The following PTPN23 variants were observed in gnomAD, a reference collection of about 807,000 sequenced individuals.
PTPN23 encodes tyrosine-protein phosphatase non-receptor type 23.
PTPN23 carries 72 observed loss-of-function variants against 156.3 expected under a neutral mutation model. That is an observed-to-expected ratio of 0.46 (90% CI 0.38 to 0.56). The LOEUF is 0.56. Ranked by LOEUF, PTPN23 falls within the 20% of genes least tolerant of loss-of-function variation. The pLI, the probability that PTPN23 is intolerant of heterozygous loss-of-function variation, is 0.00. For synonymous variants in PTPN23, 957 were observed against 899.6 expected (o/e 1.06, Z -1.14); for missense variants, 1,974 against 2,171.5 (o/e 0.91, Z 1.81).
At chr3:47,389,492 C>T (rs1025848325) in intron 1 of PTPN23, among the ~76,000 whole-genome samples, 13 of 151,992 alleles carry the variant, frequency 8.6e-5, no homozygotes, top group East Asian at 3.9e-4. Flanking sequence ...TGGTAGCTCA[C>T]GCCTGTAATC....
rs778678389 is a variant in PTPN23, at chr3:47,410,324, C to T, written c.2526C>T (p.Gly842=). Residue 842 remains glycine, a synonymous_variant, in exon 20 of 25, where the codon GGC becomes GGT. Coordinates refer to ENST00000265562, the MANE Select transcript of PTPN23 (RefSeq NM_015466.4). ...GLVPRSSPQH[G]VVSSPYVGVG... Reference sequence around the variant, plus strand: ...TGCCCCGATCCTCCCCACAGCATGGCGTGGTGAGCAGTCCCTATGTGGGGG... The same window carrying T: ...TGCCCCGATCCTCCCCACAGCATGGTGTGGTGAGCAGTCCCTATGTGGGGG... 3.1e-5 allele frequency: 49 copies of T among 1,605,316 alleles called. No homozygotes were observed. Among genetic ancestry groups the T allele is most frequent in the Non-Finnish European group, 3.8e-5 (45 of 1,175,772 alleles).
chr3:47,411,844 G>A lies in PTPN23; in HGVS notation c.3950G>A (p.Ser1317Asn). ...CAGCCCATGGTGCACGGTGCCCTGA[G>A]CCTGGCATTGAGCAGCGTCCGCAGC... The part of the protein sequence containing the change: ...RGQPMVHGAL[S>N]LALSSVRSTE... The change falls in exon 21 of 25, where the codon AGC (serine) becomes AAC (asparagine). Residue 1317 changes from serine to asparagine, a missense_variant. Coordinates refer to ENST00000265562, the MANE Select transcript of PTPN23 (RefSeq NM_015466.4). This position sits in a 1 kb window ranked among gnomAD's most constrained non-coding sequence, Gnocchi z 6.3. The A allele has an allele frequency of 1.9e-6, 3 of 1,613,008 alleles. No individual in the cohort carries two copies. Among genetic ancestry groups the A allele is most frequent in the Non-Finnish European group, 1.7e-6 (2 of 1,179,946 alleles).
At chr3:47,390,581 CT>C (rs1392247628) in intron 1 of PTPN23, among the ~76,000 whole-genome samples, 1 of 152,204 alleles carries the variant, frequency 6.6e-6, no homozygotes, top group African/African-American at 2.4e-5. Context: ...GTTCCGAGTT[CT>C]GCAGAGTCCC....
chr3:47,407,964 G>C lies in PTPN23; in HGVS notation c.1184+9G>C. 6.2e-7 allele frequency: 1 copy of C among 1,613,302 alleles called. No homozygotes were observed. The highest frequency in any genetic ancestry group is 8.5e-7 in the Non-Finnish European group (1 of 1,179,776). On this transcript the variant is annotated intron_variant, in intron 14 of 24. Coordinates refer to ENST00000265562, the MANE Select transcript of PTPN23 (RefSeq NM_015466.4). This position sits in a 1 kb window ranked among gnomAD's most constrained non-coding sequence, Gnocchi z 4.0. Reference sequence around the variant, plus strand: ...AAGAATGAGGTCCTGGAGTGAGTGTGGGACTTGGGCAGGGAGGCGGAGGCA... The same window carrying C: ...AAGAATGAGGTCCTGGAGTGAGTGTCGGACTTGGGCAGGGAGGCGGAGGCA...
Position 47,405,328 on chromosome 3 carries a change from G to A in PTPN23, c.364+247G>A, listed in dbSNP as rs1018534678. The A allele has an allele frequency of 3.5e-6, 2 of 569,616 alleles. No individual in the cohort carries two copies. The highest frequency in any genetic ancestry group is 6.3e-6 in the Non-Finnish European group (2 of 318,000). 35.3% of individuals were successfully genotyped at this position (569,616 alleles called of 1,614,324 possible). On this transcript the variant is annotated intron_variant, in intron 4 of 24. Coordinates refer to ENST00000265562, the MANE Select transcript of PTPN23 (RefSeq NM_015466.4). This position sits in a 1 kb window ranked among gnomAD's most constrained non-coding sequence, Gnocchi z 4.7. ...ACACAGAGTTGCCACTGTGTGCTCTGTCTGGGAGAGAGGGCCTTTCTTCTT... is the reference window on the plus strand; with the variant it reads ...ACACAGAGTTGCCACTGTGTGCTCTATCTGGGAGAGAGGGCCTTTCTTCTT...
chr3:47,409,485 C>T lies in PTPN23; in HGVS notation c.1866C>T (p.Ala622=), dbSNP rs752618235. 2.6e-5 allele frequency: 42 copies of T among 1,614,042 alleles called. No homozygotes were observed. The highest frequency in any genetic ancestry group is 1.1e-5 in the Non-Finnish European group (13 of 1,180,020). The change falls in exon 18 of 25, where the codon GCC becomes GCT. Residue 622 remains alanine (A), a synonymous_variant. Coordinates refer to ENST00000265562, the MANE Select transcript of PTPN23 (RefSeq NM_015466.4). ...TGTACCTGGAGCAGAACCTGGCCGC[C>T]CAGGACCGTGTCCTCTGTGCACTGA... ...LKVYLEQNLA[A]QDRVLCALTE...
At position 47,412,846 on chromosome 3, in the gene PTPN23, A is replaced by C; in HGVS notation, c.4572A>C (p.Ala1524=). The change falls in exon 25 of 25, where the codon GCA becomes GCC. Residue 1524 remains alanine, a synonymous_variant. Coordinates refer to ENST00000265562, the MANE Select transcript of PTPN23 (RefSeq NM_015466.4). ...CGGTTGCCAGCTTGCCAGGCCCTGCAGAGCCCCCAGGCCTCCCGCCAGCCA... is the reference window on the plus strand; with the variant it reads ...CGGTTGCCAGCTTGCCAGGCCCTGCCGAGCCCCCAGGCCTCCCGCCAGCCA... ...ESPVASLPGP[A]EPPGLPPASL... 1 of 1,613,386 alleles carries C rather than the reference A, an allele frequency of 6.2e-7. No homozygotes were observed.
intron 2 of PTPN23, among the ~76,000 whole-genome samples, chr3:47,403,178 T>G (rs186507338): frequency 1.6e-4 from 25 of 151,646 alleles, no homozygotes; most frequent in Non-Finnish European, 2.7e-4. Flanking sequence ...TCAGCCTCCC[T>G]AGTAGCTGGG....
chr3:47,388,750 C>T (rs1326240953), intron 1 of PTPN23, among the ~76,000 whole-genome samples: 9 of 151,280 alleles, frequency 5.9e-5, no homozygotes, highest in South Asian at 2.1e-4. Flanking sequence ...CCACAACCTC[C>T]GCCTCCCGTG....
At position 47,411,101 on chromosome 3, in the gene PTPN23, C is replaced by T. The variant is rs1354669032; in HGVS notation, c.3303C>T (p.Pro1101=). ...SPGPGPVPPR[P]PAAEPPPCLR... is the part of the protein sequence containing the mutation. ...GGCCTGGTCCGGTACCCCCTCGCCC[C>T]CCAGCAGCAGAACCACCCCCTTGCC... Residue 1101 remains proline (P), a synonymous_variant, in exon 20 of 25, where the codon CCC becomes CCT. Coordinates refer to ENST00000265562, the MANE Select transcript of PTPN23 (RefSeq NM_015466.4). This position sits in a 1 kb window ranked among gnomAD's most constrained non-coding sequence, Gnocchi z 6.3. 2 of 1,604,644 alleles carry T rather than the reference C, an allele frequency of 1.2e-6. No homozygotes were observed. The highest frequency in any genetic ancestry group is 1.7e-6 in the Non-Finnish European group (2 of 1,176,594).
At chr3:47,394,554 A>G (rs985359877) in intron 1 of PTPN23, among the ~76,000 whole-genome samples, 18 of 151,980 alleles carry the variant, frequency 1.2e-4, no homozygotes, top group African/African-American at 4.1e-4. Context: ...GCCCAGGCTG[A>G]TCTCTAATTC....
Position 47,410,805 on chromosome 3 carries a change from C to A in PTPN23, c.3007C>A (p.Gln1003Lys). 1 of 1,597,346 alleles carries A rather than the reference C, an allele frequency of 6.3e-7. No homozygotes were observed. ...ACAATCCCCCTACCCCTATGCCCCT[C>A]AGCCTGGGGTCCTGGGGCAGCCGCC... ...PPQSPYPYAP[Q>K]PGVLGQPPPP... Residue 1003 changes from glutamine (Q) to lysine (K), a missense_variant, in exon 20 of 25, where the codon CAG becomes AAG. Physicochemically the swap from Gln to Lys is moderately conservative, Grantham distance 53 (BLOSUM62 1). Coordinates refer to ENST00000265562, the MANE Select transcript of PTPN23 (RefSeq NM_015466.4).
In PTPN23 at chr3:47,408,931, C is replaced by T; in HGVS notation, c.1486C>T (p.Arg496Ter). 1 of 1,614,248 alleles carries T rather than the reference C, an allele frequency of 6.2e-7. No homozygotes were observed. The highest frequency in any genetic ancestry group is 8.5e-7 in the Non-Finnish European group (1 of 1,180,044). ...CAAGGCTGAGCTGGCAGAGGTGAGG[C>T]GAGAATGGGCCAAGTACATGGAAGT... is the stretch of plus-strand genomic sequence containing the variant. ...TSKAELAEVR[R>*]EWAKYMEVHE... Residue 496 changes from arginine to a stop codon, truncating the protein, a stop_gained, in exon 16 of 25, where the codon CGA becomes TGA. Coordinates refer to ENST00000265562, the MANE Select transcript of PTPN23 (RefSeq NM_015466.4). LOFTEE classifies it high-confidence loss of function.
At chr3:47,381,887 C>T (rs565907350) in intron 1 of PTPN23, among the ~76,000 whole-genome samples, 2 of 152,092 alleles carry the variant, frequency 1.3e-5, no homozygotes, top group African/African-American at 4.8e-5. Context: ...TTGGCGTTGA[C>T]TAAGGCAAGG....
chr3:47,408,389 A>G lies in PTPN23; in HGVS notation c.1229A>G (p.Asn410Ser), dbSNP rs1277990749. ...CAGTTGGATCCCGAGACGGTGGACA[A>G]CCTTGATGCCTACAGCCACATCCCA... is the stretch of plus-strand genomic sequence containing the variant. ...SMQLDPETVD[N>S]LDAYSHIPPQ... Residue 410 changes from asparagine to serine, a missense_variant, in exon 15 of 25, where the codon AAC (asparagine) becomes AGC (serine). This residue lies in a region of PTPN23 where 726 missense variants were observed against 929.5 expected (regional missense o/e 0.78). Transcript: ENST00000265562. The G allele has an allele frequency of 1.2e-6, 2 of 1,613,962 alleles. No individual in the cohort carries two copies. The highest frequency in any genetic ancestry group is 1.7e-6 in the Non-Finnish European group (2 of 1,179,994).
In PTPN23 at chr3:47,394,713, C is replaced by T. The variant is rs150710674; in HGVS notation, c.85-1430C>T. ...TCCTAGAGGCTTTGGGAAGCTACTG[C>T]ACACATTCTTTTTAGATTATATATC... is the stretch of plus-strand genomic sequence containing the variant. On this transcript the variant is annotated intron_variant, in intron 1 of 24. Transcript: ENST00000265562. Among the ~76,000 whole-genome samples, 152 of 152,322 alleles carry T rather than the reference C, an allele frequency of 1.0e-3. 3 individuals carry two copies. The highest frequency in any genetic ancestry group is 3.4e-3 in the African/African-American group (143 of 41,570).
At position 47,381,086 on chromosome 3, in the gene PTPN23, T is replaced by C. The variant is rs751742887; in HGVS notation, c.-11T>C. ...CGGGAGTGGCCGGGTGGCCGGCGGGTGCCAGCCGCCATGGAGGCCGTGCCC... is the reference window on the plus strand; with the variant it reads ...CGGGAGTGGCCGGGTGGCCGGCGGGCGCCAGCCGCCATGGAGGCCGTGCCC... On this transcript the variant is annotated 5_prime_UTR_variant, in exon 1 of 25. Coordinates refer to ENST00000265562, the MANE Select transcript of PTPN23 (RefSeq NM_015466.4). 1.3e-6 allele frequency: 2 copies of C among 1,555,452 alleles called. No individual in the cohort carries two copies. The highest frequency in any genetic ancestry group is 8.7e-7 in the Non-Finnish European group (1 of 1,151,954).
In PTPN23 at chr3:47,404,719, A is replaced by G. The variant is rs771754114; in HGVS notation, c.227A>G (p.His76Arg). 2 of 1,614,008 alleles carry G rather than the reference A, an allele frequency of 1.2e-6. No homozygotes were observed. Among genetic ancestry groups the G allele is most frequent in the Non-Finnish European group, 1.7e-6 (2 of 1,180,040 alleles). Residue 76 changes from histidine to arginine, a missense_variant, in exon 3 of 25, where the codon CAT (histidine) becomes CGT (arginine). This residue lies in a region of PTPN23 where 726 missense variants were observed against 929.5 expected (regional missense o/e 0.78). Transcript: ENST00000265562. ...SVLRKYLGQLHYLQSRVPMGS... is the reference protein window; with the variant it reads ...SVLRKYLGQLRYLQSRVPMGS... ...CTCCGCAAGTACCTCGGCCAGCTTC[A>G]TTACCTGCAGAGTCGGGTCCCCATG...
At chr3:47,404,842 C>T (rs1705085045) in intron 3 of PTPN23, 63 bp downstream of exon 3, 1 of 1,586,742 alleles carries the variant, frequency 6.3e-7, no homozygotes, top group Non-Finnish European at 8.6e-7. Context: ...GGTGCTCCTC[C>T]CCTCCCTTCC....
Sources: allele counts gnomAD v4.1 joint callset (sites outside exome capture counted in the v4.1 genomes callset), GRCh38; gene constraint gnomAD v4.1.1; regional missense constraint gnomAD v4.1.1; non-coding constraint Gnocchi (gnomAD v3.1); transcripts MANE v1.5; gene names NCBI Gene and HGNC (gene_info 2026-07-23, HGNC 2026-07-21).